Variants in EPHA6 observed in about 807,000 individuals in gnomAD.
EPHA6 encodes the protein EPH receptor A6, also known as ephrin type-A receptor 6.
A neutral mutation model predicts 112.0 loss-of-function variants in EPHA6; 50 were observed. That is an observed-to-expected ratio of 0.45 (90% CI 0.36 to 0.56). The LOEUF (loss-of-function observed/expected upper bound fraction) is 0.56. Among genes scored for constraint, EPHA6 ranks in the 20% least tolerant of loss-of-function variants. The pLI is 0.00. For synonymous variants in EPHA6, 529 were observed against 490.7 expected (o/e 1.08, Z -1.03); for missense variants, 1,280 against 1,417.4 (o/e 0.90, Z 1.56).
intron 5 of EPHA6, among the ~76,000 whole-genome samples, chr3:97,279,325 C>T (rs370571204): frequency 6.6e-6 from 1 of 152,000 alleles, no homozygotes; most frequent in Non-Finnish European, 1.5e-5. Flanking sequence ...TTACAACCCA[C>T]CCATCACATA....
chr3:97,120,596 A>G (rs1371475153), intron 3 of EPHA6, among the ~76,000 whole-genome samples: 2 of 152,006 alleles, frequency 1.3e-5, no homozygotes, highest in East Asian at 3.9e-4. Flanking sequence ...GGGTTTTAAA[A>G]GAGTATTGCT....
chr3:97,712,476 G>C (rs764038216), intron 14 of EPHA6, among the ~76,000 whole-genome samples: 1 of 152,176 alleles, frequency 6.6e-6, no homozygotes, highest in Non-Finnish European at 1.5e-5. Context: ...TGCCTGTACT[G>C]TCAGTAGTGT....
intron 5 of EPHA6, among the ~76,000 whole-genome samples, chr3:97,360,925 T>G (rs1300363412): frequency 6.6e-6 from 1 of 152,208 alleles, no homozygotes; most frequent in East Asian, 1.9e-4. Context: ...CTTTTACCTA[T>G]GCTTATGTTG....
At chr3:97,201,627 C>T (rs180858283) in intron 3 of EPHA6, among the ~76,000 whole-genome samples, 2 of 152,012 alleles carry the variant, frequency 1.3e-5, no homozygotes, top group East Asian at 3.9e-4. Flanking sequence ...ATATTAAGTC[C>T]TTTTATCCAT....
At chr3:96,851,580 T>C (rs114540815) in intron 1 of EPHA6, among the ~76,000 whole-genome samples, 1,875 of 152,196 alleles carry the variant, frequency 0.012, 40 homozygotes, top group African/African-American at 0.041. Context: ...TACAATAAAG[T>C]CATGCCTTTT....
chr3:97,506,674 T>C (rs947361619), intron 10 of EPHA6, among the ~76,000 whole-genome samples: 1 of 151,524 alleles, frequency 6.6e-6, no homozygotes, highest in Non-Finnish European at 1.5e-5. Context: ...GGCTCTTTTT[T>C]AATTCCACGT....
chr3:97,571,343 A>G (rs897684866), intron 11 of EPHA6, among the ~76,000 whole-genome samples: 1 of 152,066 alleles, frequency 6.6e-6, no homozygotes, highest in Non-Finnish European at 1.5e-5. Context: ...AGGGGTTGAC[A>G]CAAAGAAGAT....
chr3:97,162,020 A>G (rs1477664422), intron 3 of EPHA6, among the ~76,000 whole-genome samples: 7 of 152,182 alleles, frequency 4.6e-5, no homozygotes, highest in Non-Finnish European at 8.8e-5. Context: ...GCATTTGACA[A>G]ATCAATAGCT....
intron 10 of EPHA6, among the ~76,000 whole-genome samples, chr3:97,504,823 C>T (rs1365218543): frequency 6.6e-6 from 1 of 152,038 alleles, no homozygotes; most frequent in African/African-American, 2.4e-5. Context: ...TACGTATATA[C>T]TTAACATACT....
chr3:97,628,932 A>G (rs301929), intron 13 of EPHA6, among the ~76,000 whole-genome samples: 105,719 of 151,754 alleles, frequency 0.7, 39,794 homozygotes, highest in Middle Eastern at 0.89. Flanking sequence ...ACCAATAACT[A>G]TTTGTTTGTT....
intron 1 of EPHA6, among the ~76,000 whole-genome samples, chr3:96,828,694 A>G (rs1164214519): frequency 6.6e-6 from 1 of 152,082 alleles, no homozygotes; most frequent in African/African-American, 2.4e-5. Flanking sequence ...GTCTTTCTCC[A>G]TCTCCATTTT....
chr3:96,877,195 G>A (rs2037012560), intron 2 of EPHA6, among the ~76,000 whole-genome samples: 1 of 152,076 alleles, frequency 6.6e-6, no homozygotes, highest in African/African-American at 2.4e-5. Flanking sequence ...GTGGAAAAAA[G>A]ACTAAATGGT....
intron 3 of EPHA6, among the ~76,000 whole-genome samples, chr3:97,168,411 C>G (rs1208875602): frequency 6.6e-6 from 1 of 151,998 alleles, no homozygotes; most frequent in Admixed American, 6.6e-5. Flanking sequence ...GCTGGAGGAC[C>G]ATCCCCCTAG....
intron 5 of EPHA6, among the ~76,000 whole-genome samples, chr3:97,318,124 G>A (rs2081933098): frequency 6.6e-6 from 1 of 151,894 alleles, no homozygotes; most frequent in Non-Finnish European, 1.5e-5. Context: ...AGGGATCACA[G>A]GCTGTAACTG....
chr3:97,101,992 G>A (rs528212830), intron 3 of EPHA6, among the ~76,000 whole-genome samples: 7 of 151,996 alleles, frequency 4.6e-5, no homozygotes, highest in East Asian at 1.9e-4. Flanking sequence ...AAATTGTTTG[G>A]CCTATCAACT....
At chr3:97,262,815 T>A (rs1253533780) in intron 5 of EPHA6, among the ~76,000 whole-genome samples, 2 of 152,184 alleles carry the variant, frequency 1.3e-5, no homozygotes, top group Non-Finnish European at 2.9e-5. Context: ...TGTAAGGACT[T>A]CTGTCATGTT....
chr3:97,667,483 G>A (rs1398220577), intron 14 of EPHA6, among the ~76,000 whole-genome samples: 1 of 152,146 alleles, frequency 6.6e-6, no homozygotes, highest in Admixed American at 6.5e-5. Context: ...CAGCATGGAA[G>A]GGTGTTTGGT....
At chr3:97,359,852 A>G (rs948095366) in intron 5 of EPHA6, among the ~76,000 whole-genome samples, 3 of 152,000 alleles carry the variant, frequency 2.0e-5, no homozygotes, top group Non-Finnish European at 2.9e-5. Context: ...GGGCTTTTCT[A>G]AGCTTGTGCC....
intron 2 of EPHA6, among the ~76,000 whole-genome samples, chr3:96,970,940 G>A (rs2042296189): frequency 2.0e-5 from 3 of 151,904 alleles, no homozygotes; most frequent in South Asian, 2.1e-4. Flanking sequence ...TTATTTTTCT[G>A]TGCTTGCTAT....
Sources: allele counts gnomAD v4.1 joint callset (sites outside exome capture counted in the v4.1 genomes callset), GRCh38; gene constraint gnomAD v4.1.1; transcripts MANE v1.5; gene names NCBI Gene and HGNC (gene_info 2026-07-23, HGNC 2026-07-21).